STXBP3: variants seen among roughly 807,000 people sequenced by gnomAD.
STXBP3 encodes the protein syntaxin-binding protein 3.
Under a neutral mutation model 85.7 loss-of-function variants are expected in STXBP3, and 41 were observed. That is an observed-to-expected ratio of 0.48 (90% CI 0.37 to 0.62). The LOEUF (loss-of-function observed/expected upper bound fraction) is 0.62. STXBP3 is among the 20% of genes least tolerant of loss of function. The probability of loss-of-function intolerance (pLI) is 0.00; values close to 1 mark genes in which losing one functional copy is unlikely to be tolerated. For missense variants in STXBP3, 563 were observed against 703.1 expected (o/e 0.80, Z 2.25); for synonymous variants, 229 against 231.7 (o/e 0.99, Z 0.10).
intron 5 of STXBP3, among the ~76,000 whole-genome samples, chr1:108,759,762 G>A (rs1289468249): frequency 6.6e-6 from 1 of 152,164 alleles, no homozygotes; most frequent in Non-Finnish European, 1.5e-5. Context: ...TACATCTGAG[G>A]TTGTGGTGGA....
rs1663103952 is a variant in STXBP3, at chr1:108,796,535, C to T, written c.1250-85C>T. The T allele has an allele frequency of 2.3e-6, 3 of 1,281,156 alleles. 1 individual carries two copies. The South Asian group carries it at 4.4e-5, about 19-fold the overall frequency. The allele number at this position is 1,281,156 out of a possible 1,614,324, so 79.4% of individuals were successfully genotyped here. A position where few individuals can be genotyped will look rare whatever the true frequency, so the allele number is the denominator to read the frequency against. On this transcript the variant is annotated intron_variant, in intron 14 of 18. Coordinates refer to ENST00000370008, the MANE Select transcript of STXBP3 (RefSeq NM_007269.4). ...ATTTGACTGTTTTTTATTTTAAAAGCTTCATTCATGGGTACTACCTAAAGC... is the reference window on the plus strand; with the variant it reads ...ATTTGACTGTTTTTTATTTTAAAAGTTTCATTCATGGGTACTACCTAAAGC...
chr1:108,806,662 C>T (rs913548673), intron 17 of STXBP3, among the ~76,000 whole-genome samples: 16 of 152,284 alleles, frequency 1.1e-4, no homozygotes, highest in African/African-American at 3.6e-4. Context: ...GAATTCCATT[C>T]CATCAAGGAA....
At chr1:108,791,681 C>T (rs1345531061) in intron 11 of STXBP3, among the ~76,000 whole-genome samples, 1 of 152,056 alleles carries the variant, frequency 6.6e-6, no homozygotes, top group Admixed American at 6.6e-5. Flanking sequence ...GCAAAATTTC[C>T]CCTTTGTAGT....
intron 14 of STXBP3, 41 bp downstream of exon 14, chr1:108,796,413 G>T (rs1271380176): frequency 8.1e-6 from 11 of 1,351,542 alleles, no homozygotes; most frequent in Non-Finnish European, 9.1e-6. Flanking sequence ...TTTTACTATT[G>T]ATCATAAAAG....
intron 6 of STXBP3, among the ~76,000 whole-genome samples, chr1:108,764,710 A>G (rs1209482243): frequency 6.6e-6 from 1 of 152,090 alleles, no homozygotes; most frequent in East Asian, 1.9e-4. Flanking sequence ...AAGTGTTGAT[A>G]TCCTTTGCCC....
chr1:108,795,024 T>C, intron 13 of STXBP3, 117 bp downstream of exon 13: 1 of 800,758 alleles, frequency 1.2e-6, no homozygotes, highest in East Asian at 2.7e-5. Flanking sequence ...TCACAGACTC[T>C]CTCTTATCAG....
intron 17 of STXBP3, among the ~76,000 whole-genome samples, chr1:108,800,528 C>G (rs1243283998): frequency 1.3e-5 from 2 of 152,174 alleles, no homozygotes; most frequent in Non-Finnish European, 2.9e-5. Flanking sequence ...TCCCCACCTC[C>G]TCTTCCTTCA....
chr1:108,800,113 T>A lies in STXBP3; in HGVS notation c.1450-107T>A, dbSNP rs550309107. On this transcript the variant is annotated intron_variant, in intron 16 of 18. Coordinates refer to ENST00000370008, the MANE Select transcript of STXBP3 (RefSeq NM_007269.4). ...GAAAAGACTAATCTTATACTAAATA[T>A]TTATGTCTAAGGTTCCTCAATTGCA... 63 of 733,794 alleles carry A rather than the reference T, an allele frequency of 8.6e-5. No homozygotes were observed. In the Middle Eastern group the frequency reaches 1.5e-3, roughly 17 times the overall value. The allele number at this position is 733,794 out of a possible 1,614,324, so 45.5% of individuals were successfully genotyped here.
At chr1:108,762,144 CGTT>C (rs1231557840) in intron 6 of STXBP3, among the ~76,000 whole-genome samples, 1 of 152,118 alleles carries the variant, frequency 6.6e-6, no homozygotes, top group African/African-American at 2.4e-5. Context: ...GTTCAGTGGA[CGTT>C]GTTTGTTAAA....
At chr1:108,780,101 C>T (rs1338986412) in intron 9 of STXBP3, 1 of 152,018 alleles carries the variant, frequency 6.6e-6, no homozygotes, top group Non-Finnish European at 1.5e-5. Flanking sequence ...AGATTTACTG[C>T]TTGAGTACAG....
At chr1:108,788,503 C>G (rs367684837) in intron 11 of STXBP3, among the ~76,000 whole-genome samples, 1 of 152,088 alleles carries the variant, frequency 6.6e-6, no homozygotes, top group Non-Finnish European at 1.5e-5. Context: ...AAAGAATTCA[C>G]CATTGAAGCA....
intron 9 of STXBP3, 70 bp downstream of exon 9, chr1:108,779,480 A>G: frequency 6.9e-7 from 1 of 1,439,708 alleles, no homozygotes; most frequent in Non-Finnish European, 9.2e-7. Context: ...TTAATGATTT[A>G]TATAGGCACC....
chr1:108,791,853 A>G (rs1662981795), intron 11 of STXBP3, among the ~76,000 whole-genome samples: 1 of 152,062 alleles, frequency 6.6e-6, no homozygotes, highest in Admixed American at 6.6e-5. Context: ...CTGTTTTCTG[A>G]CCCTGTAGTT....
chr1:108,796,733 A>T lies in STXBP3; in HGVS notation c.1356+7A>T, dbSNP rs1663112293. The stretch of plus-strand genomic sequence containing the variant: ...TGTTCCCATTGTTCCCCAAGTAAGA[A>T]GTCTTATGTTGTGTATATACTTTAT... On this transcript the variant is annotated splice_region_variant and intron_variant, in intron 15 of 18. Transcript: ENST00000370008. 3.1e-6 allele frequency: 5 copies of T among 1,610,710 alleles called. No individual in the cohort carries two copies. Among genetic ancestry groups the T allele is most frequent in the Admixed American group, 1.7e-5 (1 of 59,810 alleles).
chr1:108,760,641 C>T (rs989926572), intron 6 of STXBP3, among the ~76,000 whole-genome samples: 1 of 152,108 alleles, frequency 6.6e-6, no homozygotes, highest in Non-Finnish European at 1.5e-5. Context: ...TTAATCCTCA[C>T]AATAGCCATA....
chr1:108,765,480 A>G (rs1230914673), intron 6 of STXBP3, among the ~76,000 whole-genome samples: 2 of 152,148 alleles, frequency 1.3e-5, no homozygotes, highest in Non-Finnish European at 2.9e-5. Context: ...GATAGTGAAA[A>G]TATTTCCATA....
intron 9 of STXBP3, chr1:108,781,181 G>T (rs1035075514): frequency 6.6e-6 from 1 of 152,174 alleles, no homozygotes; most frequent in African/African-American, 2.4e-5. Flanking sequence ...CCTTAGTGCA[G>T]CCTTATATAA....
At position 108,752,938 on chromosome 1, in the gene STXBP3, C is replaced by T. The variant is rs188613765; in HGVS notation, c.100-125C>T. The T allele has an allele frequency of 9.3e-5, 53 of 571,106 alleles. 1 individual carries two copies. In the East Asian group the frequency reaches 1.4e-3, roughly 15 times the overall value. 35.4% of individuals were successfully genotyped at this position (571,106 alleles called of 1,614,324 possible). On this transcript the variant is annotated intron_variant, in intron 2 of 18. Transcript: ENST00000370008. Reference sequence around the variant, plus strand: ...GCTCATGCAAGATAAAAGATGAGATCATTTTGCCTACTGTTCTGATATTTT... The same window carrying T: ...GCTCATGCAAGATAAAAGATGAGATTATTTTGCCTACTGTTCTGATATTTT...
intron 11 of STXBP3, among the ~76,000 whole-genome samples, chr1:108,786,720 T>C (rs923008691): frequency 1.3e-5 from 2 of 152,218 alleles, no homozygotes; most frequent in Non-Finnish European, 2.9e-5. Flanking sequence ...GTAGTATAAG[T>C]CTTCCAGCTT....
Sources: gnomAD v4.1 joint callset for allele counts (sites outside exome capture counted in the v4.1 genomes callset) on GRCh38, gnomAD v4.1.1 for gene constraint, MANE v1.5 for transcripts, NCBI Gene and HGNC (gene_info 2026-07-23, HGNC 2026-07-21) for gene names.